The following SH2B3 variants were observed in gnomAD, a reference collection of about 807,000 sequenced individuals.
The protein encoded by SH2B3 is SH2B adaptor protein 3, also known as SH2B adapter protein 3.
A neutral mutation model predicts 51.9 loss-of-function variants in SH2B3; 43 were observed. That is an observed-to-expected ratio of 0.83 (90% CI 0.65 to 1.07). SH2B3 has a LOEUF of 1.07. SH2B3 is among the 50% of genes least tolerant of loss of function. SH2B3 has a pLI of 0.00. For synonymous variants in SH2B3, 396 were observed against 376.0 expected (o/e 1.05, Z -0.62); for missense variants, 952 against 834.3 (o/e 1.14, Z -1.74).
chr12:111,427,104 G>A (rs765507228), intron 2 of SH2B3, among the ~76,000 whole-genome samples: 2 of 152,110 alleles, frequency 1.3e-5, no homozygotes, highest in African/African-American at 2.4e-5. Context: ...TCCGGGGATC[G>A]GCCGGGCACG....
chr12:111,447,022 C>T lies in SH2B3; in HGVS notation c.915C>T (p.Cys305=), dbSNP rs1196242969. The T allele has an allele frequency of 6.2e-7, 1 of 1,613,570 alleles. No individual in the cohort carries two copies. Among genetic ancestry groups the T allele is most frequent in the Non-Finnish European group, 8.5e-7 (1 of 1,179,644 alleles). ...LNSWMAELSE[C]TGRGLESTEA... The stretch of plus-strand genomic sequence containing the variant: ...CATGGATGGCTGAGCTCTCGGAGTG[C>T]ACAGGCCGAGGGTGAGGTCCTGGGC... The change falls in exon 4 of 8, where the codon TGC becomes TGT. Residue 305 remains cysteine (C), a synonymous_variant. Coordinates refer to ENST00000341259, the MANE Select transcript of SH2B3 (RefSeq NM_005475.3).
Position 111,418,332 on chromosome 12 carries a change from G to T in SH2B3, c.187G>T (p.Val63Leu). ...GCACGCGCCGCTGCGCGCCGAGCTG[G>T]TGTCGCTGCAGTTCACCGACCTCTT... ...PQHAPLRAEL[V>L]SLQFTDLFQR... Residue 63 changes from valine to leucine, a missense_variant, in exon 2 of 8, where the codon GTG becomes TTG. By Grantham distance (32) the Val-to-Leu change is conservative. Transcript: ENST00000341259. This position sits in a 1 kb window ranked among gnomAD's most constrained non-coding sequence, Gnocchi z 6.7. 1.3e-6 allele frequency: 2 copies of T among 1,525,394 alleles called. No homozygotes were observed. Among genetic ancestry groups the T allele is most frequent in the Non-Finnish European group, 1.8e-6 (2 of 1,142,044 alleles). 94.5% of individuals were successfully genotyped at this position (1,525,394 alleles called of 1,614,324 possible). A position where few individuals can be genotyped will look rare whatever the true frequency, so the allele number is the denominator to read the frequency against.
chr12:111,447,290 G>A (rs1187240199), intron 5 of SH2B3, 40 bp from the exon 6 acceptor site: 3 of 1,592,218 alleles, frequency 1.9e-6, no homozygotes, highest in South Asian at 1.1e-5. Flanking sequence ...AGGACATAAG[G>A]TAGCCCCCTG....
chr12:111,418,646 A>T lies in SH2B3; in HGVS notation c.501A>T (p.Gly167=). The T allele has an allele frequency of 6.8e-7, 1 of 1,479,562 alleles. No individual in the cohort carries two copies. 91.7% of individuals were successfully genotyped at this position (1,479,562 alleles called of 1,614,324 possible). The change falls in exon 2 of 8, where the codon GGA becomes GGT. Residue 167 remains glycine, a synonymous_variant. Coordinates refer to ENST00000341259, the MANE Select transcript of SH2B3 (RefSeq NM_005475.3). This position sits in a 1 kb window ranked among gnomAD's most constrained non-coding sequence, Gnocchi z 6.7. ...CCGCTGCCGCCCCCGGGACCCCCGG[A>T]GAGGCTGCTGAGACCCCCGCCCGGC... is the stretch of plus-strand genomic sequence containing the variant. ...AHTAAAPGTP[G]EAAETPARPG...
rs1871260557 is a variant in SH2B3 at position 111,418,455 on chromosome 12, C to G, written c.310C>G (p.Pro104Ala). The G allele has an allele frequency of 7.2e-7, 1 of 1,393,504 alleles. No individual in the cohort carries two copies. Among genetic ancestry groups the G allele is most frequent in the Admixed American group, 3.4e-5 (1 of 29,654 alleles). The allele number at this position is 1,393,504 out of a possible 1,614,324, so 86.3% of individuals were successfully genotyped here. Reference protein sequence around the residue: ...RGPPAKAEASPEPGPGPAAPG... With the variant: ...RGPPAKAEASAEPGPGPAAPG... ...GCCCCCAGCCAAGGCCGAGGCGTCC[C>G]CGGAGCCAGGCCCCGGCCCCGCCGC... The change falls in exon 2 of 8, where the codon CCG becomes GCG. Residue 104 changes from proline (P) to alanine (A), a missense_variant. Coordinates refer to ENST00000341259, the MANE Select transcript of SH2B3 (RefSeq NM_005475.3). This position sits in a 1 kb window ranked among gnomAD's most constrained non-coding sequence, Gnocchi z 6.7.
intron 2 of SH2B3, among the ~76,000 whole-genome samples, chr12:111,436,135 C>T (rs1872854608): frequency 6.6e-6 from 1 of 152,202 alleles, no homozygotes; most frequent in Admixed American, 6.5e-5. Flanking sequence ...CGGTGCCTGA[C>T]AGTTGTTTGT....
chr12:111,416,791 G>A (rs1940007648), intron 1 of SH2B3, among the ~76,000 whole-genome samples: 1 of 152,200 alleles, frequency 6.6e-6, no homozygotes, highest in Non-Finnish European at 1.5e-5. Flanking sequence ...ACCGCGCGTG[G>A]CTGGTGCTGG....
chr12:111,431,491 A>G (rs1355536170), intron 2 of SH2B3, among the ~76,000 whole-genome samples: 1 of 146,360 alleles, frequency 6.8e-6, no homozygotes, highest in Non-Finnish European at 1.5e-5. Context: ...CTATTTAAAG[A>G]AAAAAAAAAA....
chr12:111,422,548 A>T (rs1426996777), intron 2 of SH2B3, among the ~76,000 whole-genome samples: 1 of 150,482 alleles, frequency 6.6e-6, no homozygotes, highest in Non-Finnish European at 1.5e-5. Context: ...CTGGCTTTTC[A>T]TGAAAAGCAG....
intron 2 of SH2B3, among the ~76,000 whole-genome samples, chr12:111,422,796 G>GT (rs1243257604): frequency 1.3e-5 from 2 of 151,396 alleles, no homozygotes; most frequent in East Asian, 3.9e-4. Flanking sequence ...TCCTGACCTC[G>GT]TGATCCACCT....
chr12:111,438,958 G>T lies in SH2B3; in HGVS notation c.733-7795G>T, dbSNP rs1196170734. On this transcript the variant is annotated intron_variant, in intron 2 of 7. Coordinates refer to ENST00000341259, the MANE Select transcript of SH2B3 (RefSeq NM_005475.3). The surrounding 1 kb of genome is among the most constrained non-coding windows in gnomAD (Gnocchi z 4.2). Reference sequence around the variant, plus strand: ...GGTCTCTCAGATGAGGACCACAGGGGAGTTTTTGTTTTTGTTTGTTTGTTT... The same window carrying T: ...GGTCTCTCAGATGAGGACCACAGGGTAGTTTTTGTTTTTGTTTGTTTGTTT... 6.6e-6 allele frequency among the ~76,000 whole-genome samples: 1 copy of T among 152,082 alleles called. No individual in the cohort carries two copies. Among genetic ancestry groups the T allele is most frequent in the Non-Finnish European group, 1.5e-5 (1 of 68,010 alleles).
In SH2B3 at chr12:111,422,423, T is replaced by A. The variant is rs77418011; in HGVS notation, c.732+3546T>A. 3.5e-3 allele frequency among the ~76,000 whole-genome samples: 534 copies of A among 152,346 alleles called. 6 individuals are homozygous for A. The highest frequency in any genetic ancestry group is 0.013 in the African/African-American group (520 of 41,578). ...GATTGGTCATCGGAATTTGGTCGTT[T>A]GTGAAGTACATGTTTTTATTGTCTG... On this transcript the variant is annotated intron_variant, in intron 2 of 7. Transcript: ENST00000341259.
Position 111,448,209 on chromosome 12 carries a change from G to A in SH2B3, c.1635G>A (p.Glu545=), listed in dbSNP as rs766927613. The change falls in exon 8 of 8, where the codon GAG becomes GAA. Residue 545 remains glutamate (E), a synonymous_variant. Transcript: ENST00000341259. ...ACAGCCTGCAGCACCTGGAGCATGA[G>A]CCTGTGAATCGAGCCCGGGACTCGG... ...LANSLQHLEH[E]PVNRARDSDY... is the part of the protein sequence containing the mutation. The A allele has an allele frequency of 5.0e-6, 8 of 1,614,174 alleles. No homozygotes were observed. The highest frequency in any genetic ancestry group is 5.9e-6 in the Non-Finnish European group (7 of 1,180,032).
At chr12:111,444,159 C>T (rs989295812) in intron 2 of SH2B3, 3 of 152,292 alleles carry the variant, frequency 2.0e-5, no homozygotes, top group African/African-American at 7.2e-5. Flanking sequence ...TGCGCCACTG[C>T]ACTCCAGCAT....
At position 111,407,467 on chromosome 12, in the gene SH2B3, G is replaced by A. The variant is rs1012122161; in HGVS notation, c.-28+1190G>A. ...CCTGTGGGTCTCCAGGGATGCAGGC[G>A]CAGGTTGTGTCTGGGTTTCCCATCA... is the stretch of plus-strand genomic sequence containing the variant. On this transcript the variant is annotated intron_variant, in intron 1 of 7. Coordinates refer to ENST00000341259, the MANE Select transcript of SH2B3 (RefSeq NM_005475.3). The surrounding 1 kb of genome is among the most constrained non-coding windows in gnomAD (Gnocchi z 4.3). Among the ~76,000 whole-genome samples, 9 of 152,242 alleles carry A rather than the reference G, an allele frequency of 5.9e-5. No individual in the cohort carries two copies. The highest frequency in any genetic ancestry group is 8.8e-5 in the Non-Finnish European group (6 of 68,044).
chr12:111,421,603 G>T (rs182547955), intron 2 of SH2B3, among the ~76,000 whole-genome samples: 15 of 151,776 alleles, frequency 9.9e-5, no homozygotes, highest in South Asian at 4.2e-4. Flanking sequence ...TTTTTGTGGA[G>T]ATGGGATTTC....
intron 2 of SH2B3, among the ~76,000 whole-genome samples, chr12:111,433,053 T>A (rs1442375541): frequency 6.6e-6 from 1 of 152,222 alleles, no homozygotes; most frequent in Non-Finnish European, 1.5e-5. Flanking sequence ...ACAGTAATTC[T>A]ATGTTTAATT....
At chr12:111,416,554 C>T (rs1469690748) in intron 1 of SH2B3, among the ~76,000 whole-genome samples, 3 of 151,870 alleles carry the variant, frequency 2.0e-5, no homozygotes, top group Non-Finnish European at 4.4e-5. Flanking sequence ...AGTGCAGTGG[C>T]ACCATCTCAG....
intron 2 of SH2B3, among the ~76,000 whole-genome samples, chr12:111,425,353 A>G (rs1871907546): frequency 6.6e-6 from 1 of 152,114 alleles, no homozygotes; most frequent in Non-Finnish European, 1.5e-5. Flanking sequence ...GCAGGTGGGC[A>G]GCGTGGGCCC....
Sources: gnomAD v4.1 joint callset for allele counts (sites outside exome capture counted in the v4.1 genomes callset) on GRCh38, gnomAD v4.1.1 for gene constraint, Gnocchi (gnomAD v3.1) non-coding constraint, MANE v1.5 for transcripts, NCBI Gene and HGNC (gene_info 2026-07-23, HGNC 2026-07-21) for gene names.